The following CORIN variants were observed in gnomAD, a reference collection of about 807,000 sequenced individuals.
CORIN encodes corin, serine peptidase, also known as atrial natriuretic peptide-converting enzyme.
CORIN carries 117 observed loss-of-function variants against 125.3 expected under a neutral mutation model. The ratio of observed to expected loss-of-function variants is 0.93; its 90% CI spans 0.80 to 1.09. The LOEUF (loss-of-function observed/expected upper bound fraction) is 1.09. Among genes scored for constraint, CORIN ranks in the 50% least tolerant of loss-of-function variants. CORIN has a pLI of 0.00. For synonymous variants in CORIN, 450 were observed against 466.4 expected, an observed-to-expected ratio of 0.96 and a Z score of 0.45; for missense variants, 1,253 against 1,306.7, an observed-to-expected ratio of 0.96 and a Z score of 0.63.
At chr4:47,600,132 G>T in intron 21 of CORIN, 82 bp downstream of exon 21, 2 of 1,219,340 alleles carry the variant, frequency 1.6e-6, no homozygotes, top group Non-Finnish European at 2.3e-6. Flanking sequence ...TTTCCAAAGG[G>T]CCATACGTAA....
At position 47,631,694 on chromosome 4, in the gene CORIN, T is replaced by C. The variant is rs184489392; in HGVS notation, c.2199-5173A>G. On this transcript the variant is annotated intron_variant, in intron 16 of 21. Coordinates refer to ENST00000273857, the MANE Select transcript of CORIN (RefSeq NM_006587.4). ...CATCCCATCCCAGTCTGTGGAAAAA[T>C]TGTCTTCCACAAAACCAGTCCCTGG... is the stretch of plus-strand genomic sequence containing the variant. 2.0e-4 allele frequency among the ~76,000 whole-genome samples: 31 copies of C among 152,056 alleles called. 1 individual carries two copies. Among genetic ancestry groups the C allele is most frequent in the Admixed American group, 1.9e-3 (29 of 15,276 alleles).
At position 47,796,830 on chromosome 4, in the gene CORIN, T is replaced by G. The variant is rs556761352; in HGVS notation, c.209-9905A>C. 4.5e-4 allele frequency among the ~76,000 whole-genome samples: 68 copies of G among 152,188 alleles called. 2 individuals are homozygous for G. The South Asian group carries it at 0.014, about 31-fold the overall frequency. ...CTGTCACTCTCTTATATCAACATCCTTATTGTGGATTTCATGTTTAAAGTA... is the reference window on the plus strand; with the variant it reads ...CTGTCACTCTCTTATATCAACATCCGTATTGTGGATTTCATGTTTAAAGTA... On this transcript the variant is annotated intron_variant, in intron 2 of 21. Coordinates refer to ENST00000273857, the MANE Select transcript of CORIN (RefSeq NM_006587.4).
At chr4:47,700,855 G>T (rs1177434053) in intron 5 of CORIN, among the ~76,000 whole-genome samples, 4 of 152,144 alleles carry the variant, frequency 2.6e-5, no homozygotes, top group Non-Finnish European at 5.9e-5. Flanking sequence ...CACTCAACCT[G>T]GGTGACCCAA....
intron 12 of CORIN, among the ~76,000 whole-genome samples, chr4:47,656,963 T>C (rs932889867): frequency 6.6e-6 from 1 of 152,094 alleles, no homozygotes; most frequent in African/African-American, 2.4e-5. Context: ...CATACAAAAA[T>C]TAGTAGCATT....
chr4:47,740,579 A>G (rs917406667), intron 5 of CORIN, among the ~76,000 whole-genome samples: 4 of 152,018 alleles, frequency 2.6e-5, no homozygotes, highest in Non-Finnish European at 5.9e-5. Flanking sequence ...GTATATTTAC[A>G]TATGTAATCT....
chr4:47,644,269 C>A (rs893971072), intron 14 of CORIN, among the ~76,000 whole-genome samples: 1 of 152,156 alleles, frequency 6.6e-6, no homozygotes. Context: ...AAGCATGGTG[C>A]CCCAGATGCC....
rs61760491 is a variant in CORIN, at chr4:47,665,907, G to GTAA, written c.1358-647_1358-645dup. On this transcript the variant is annotated intron_variant, in intron 10 of 21. Coordinates refer to ENST00000273857, the MANE Select transcript of CORIN (RefSeq NM_006587.4). Reference sequence around the variant, plus strand: ...TTATCCAATCAACAGTATCTCTGCTGTAATAAATTCTATTCCCTTATGACA... The same window carrying GTAA: ...TTATCCAATCAACAGTATCTCTGCTGTAATAATAAATTCTATTCCCTTATGACA... Among the ~76,000 whole-genome samples the GTAA allele has an allele frequency of 6.3e-3, 954 of 152,298 alleles. 9 individuals are homozygous for GTAA. Among genetic ancestry groups the GTAA allele is most frequent in the Non-Finnish European group, 9.4e-3 (637 of 68,026 alleles).
At chr4:47,714,177 G>C (rs1726985053) in intron 5 of CORIN, among the ~76,000 whole-genome samples, 1 of 152,140 alleles carries the variant, frequency 6.6e-6, no homozygotes, top group Admixed American at 6.5e-5. Flanking sequence ...AAGAAATACA[G>C]TATTGTGCCT....
intron 21 of CORIN, 76 bp from the exon 22 acceptor site, chr4:47,595,979 C>T: frequency 1.6e-6 from 2 of 1,214,350 alleles, no homozygotes; most frequent in Non-Finnish European, 2.3e-6. Flanking sequence ...CCTGAGGATA[C>T]TATAAAGCTA....
chr4:47,699,758 A>C (rs1250417075), intron 5 of CORIN, among the ~76,000 whole-genome samples: 1 of 152,218 alleles, frequency 6.6e-6, no homozygotes, highest in East Asian at 1.9e-4. Flanking sequence ...AGGAATAAAA[A>C]TCCCTTTGTG....
At chr4:47,625,475 G>C (rs1722517147) in intron 17 of CORIN, among the ~76,000 whole-genome samples, 1 of 151,994 alleles carries the variant, frequency 6.6e-6, no homozygotes, top group Admixed American at 6.6e-5. Flanking sequence ...TGGAATTACA[G>C]GTTTGGGGAA....
At chr4:47,755,813 T>C (rs1481893752) in intron 4 of CORIN, among the ~76,000 whole-genome samples, 1 of 152,244 alleles carries the variant, frequency 6.6e-6, no homozygotes, top group Non-Finnish European at 1.5e-5. Context: ...ATTTGATTTA[T>C]GCAAAAATTT....
Position 47,600,267 on chromosome 4 carries a change from T to C in CORIN, c.2893A>G (p.Thr965Ala), listed in dbSNP as rs1237193225. ...CQSYFDMKTI[T>A]TRMICAGYES... The stretch of plus-strand genomic sequence containing the variant: ...TAGCCAGCACATATCATCCGAGTGG[T>C]GATGGTCTTCATGTCAAAGTAGGAC... The change falls in exon 21 of 22, where the codon ACC becomes GCC. Residue 965 changes from threonine to alanine, a missense_variant. Transcript: ENST00000273857. 1 of 1,613,896 alleles carries C rather than the reference T, an allele frequency of 6.2e-7. No individual in the cohort carries two copies. The highest frequency in any genetic ancestry group is 2.2e-5 in the East Asian group (1 of 44,874).
intron 5 of CORIN, among the ~76,000 whole-genome samples, chr4:47,711,147 C>A (rs924340773): frequency 3.3e-5 from 5 of 152,134 alleles, no homozygotes; most frequent in South Asian, 2.1e-4. Context: ...CAAACCTGAC[C>A]CCTTGATCAC....
chr4:47,625,830 A>C (rs992433598), intron 17 of CORIN, among the ~76,000 whole-genome samples: 22 of 152,312 alleles, frequency 1.4e-4, no homozygotes, highest in Admixed American at 1.0e-3. Flanking sequence ...AGTGTATATA[A>C]GATTACCTAG....
intron 3 of CORIN, among the ~76,000 whole-genome samples, chr4:47,764,541 G>A (rs563575325): frequency 2.0e-5 from 3 of 151,936 alleles, no homozygotes; most frequent in African/African-American, 4.8e-5. Flanking sequence ...ATTCACAATC[G>A]CCTCAGTTTC....
intron 1 of CORIN, among the ~76,000 whole-genome samples, chr4:47,816,012 G>T (rs1732249468): frequency 6.6e-6 from 1 of 152,146 alleles, no homozygotes; most frequent in Non-Finnish European, 1.5e-5. Context: ...TTTAAAAATT[G>T]AAACAGATTG....
intron 19 of CORIN, among the ~76,000 whole-genome samples, chr4:47,619,911 C>T (rs901387265): frequency 6.6e-6 from 1 of 152,184 alleles, no homozygotes; most frequent in African/African-American, 2.4e-5. Context: ...CATCTGGCCC[C>T]TTCTAAAGCA....
At chr4:47,828,172 C>G (rs1408964556) in intron 1 of CORIN, among the ~76,000 whole-genome samples, 1 of 151,962 alleles carries the variant, frequency 6.6e-6, no homozygotes, top group Non-Finnish European at 1.5e-5. Context: ...TGTTTTTTTT[C>G]CCAATTCCTG....
Sources: gnomAD v4.1 joint callset for allele counts (sites outside exome capture counted in the v4.1 genomes callset) on GRCh38, gnomAD v4.1.1 for gene constraint, MANE v1.5 for transcripts, NCBI Gene and HGNC (gene_info 2026-07-23, HGNC 2026-07-21) for gene names.